The following ARHGEF4 variants were observed in gnomAD, a reference collection of about 807,000 sequenced individuals.
ARHGEF4 encodes the protein Rho guanine nucleotide exchange factor 4.
ARHGEF4 carries 119 observed loss-of-function variants against 162.0 expected under a neutral mutation model. That is an observed-to-expected ratio of 0.73 (90% CI 0.63 to 0.86). The LOEUF (loss-of-function observed/expected upper bound fraction) is 0.86. Among genes scored for constraint, ARHGEF4 ranks in the 40% least tolerant of loss-of-function variants. The pLI is 0.00. For missense variants in ARHGEF4, 2,488 were observed against 2,456.0 expected, an observed-to-expected ratio of 1.01 and a Z score of -0.28; for synonymous variants, 1,014 against 979.9, an observed-to-expected ratio of 1.03 and a Z score of -0.65.
chr2:130,875,235 T>A (rs1678749011), intron 1 of ARHGEF4, among the ~76,000 whole-genome samples: 2 of 152,174 alleles, frequency 1.3e-5, no homozygotes, highest in African/African-American at 2.4e-5. Context: ...AACTCTAGAT[T>A]AGCGCATTGC....
In ARHGEF4 at chr2:130,917,289, A is replaced by G. The variant is rs1019132094; in HGVS notation, c.3343A>G (p.Ile1115Val). The G allele has an allele frequency of 1.9e-5, 30 of 1,550,372 alleles. No individual in the cohort carries two copies. The highest frequency in any genetic ancestry group is 1.8e-4 in the Admixed American group (9 of 50,976). ...GLHYPGRGSA[I>V]SMVSLGSYSY... ...CCACTACCCCGGGAGGGGTAGCGCC[A>G]TCTCCATGGTTTCTCTTGGAAGCTA... The change falls in exon 2 of 14, where the codon ATC (isoleucine) becomes GTC (valine). Residue 1115 changes from isoleucine (I) to valine (V), a missense_variant. Physicochemically the swap from Ile to Val is conservative, Grantham distance 29 (BLOSUM62 3). Transcript: ENST00000409359.
intron 4 of ARHGEF4, among the ~76,000 whole-genome samples, chr2:130,997,372 T>G (rs1244896623): frequency 6.6e-6 from 1 of 152,126 alleles, no homozygotes; most frequent in Non-Finnish European, 1.5e-5. Flanking sequence ...TTGTTATGTA[T>G]TTTTTTTCTT....
At chr2:130,867,242 A>T (rs7570686) in intron 1 of ARHGEF4, among the ~76,000 whole-genome samples, 20,730 of 142,358 alleles carry the variant, frequency 0.15, 1,575 homozygotes, top group East Asian at 0.26. Context: ...TATTATTATT[A>T]TTTTTTTTTT....
At chr2:130,963,075 ACT>A (rs1427648894) in intron 4 of ARHGEF4, among the ~76,000 whole-genome samples, 3 of 152,020 alleles carry the variant, frequency 2.0e-5, no homozygotes, top group Admixed American at 6.5e-5. Context: ...TCGCACACAC[ACT>A]CCGAAAAAAA....
At position 130,847,296 on chromosome 2, in the gene ARHGEF4, T is replaced by C. The variant is rs1444068878; in HGVS notation, c.39+10304T>C. On this transcript the variant is annotated intron_variant, in intron 1 of 13. Transcript: ENST00000409359. The stretch of plus-strand genomic sequence containing the variant: ...GACCAGGGGCGTCTCCTGCTTCCTC[T>C]TGAATCGCTTTTCACCTGGAGTATG... Among the ~76,000 whole-genome samples the C allele has an allele frequency of 2.6e-5, 4 of 152,274 alleles. No individual in the cohort carries two copies. The East Asian group carries it at 7.7e-4, about 29-fold the overall frequency.
At chr2:130,852,438 G>T (rs1681474480) in intron 1 of ARHGEF4, among the ~76,000 whole-genome samples, 1 of 152,146 alleles carries the variant, frequency 6.6e-6, no homozygotes, top group Non-Finnish European at 1.5e-5. Context: ...TCTGCCTCCA[G>T]GACCTCCAAG....
chr2:130,969,319 C>T lies in ARHGEF4; in HGVS notation c.3985+22684C>T, dbSNP rs147073828. Among the ~76,000 whole-genome samples, 141 of 152,200 alleles carry T rather than the reference C, an allele frequency of 9.3e-4. No individual in the cohort carries two copies. In the East Asian group the frequency reaches 0.014, roughly 15 times the overall value. ...TAAAGTCAAAAAATCATATGTCAGCCGGGTGCGTTGGGTCACACCTGTAAC... is the reference window on the plus strand; with the variant it reads ...TAAAGTCAAAAAATCATATGTCAGCTGGGTGCGTTGGGTCACACCTGTAAC... On this transcript the variant is annotated intron_variant, in intron 4 of 13. Transcript: ENST00000409359.
At chr2:130,976,476 T>C (rs573601912) in intron 4 of ARHGEF4, among the ~76,000 whole-genome samples, 62 of 152,164 alleles carry the variant, frequency 4.1e-4, no homozygotes, top group Non-Finnish European at 6.5e-4. Context: ...GCTCTGAGCA[T>C]GGGAAGAGAA....
At chr2:130,958,354 T>C (rs1159047155) in intron 4 of ARHGEF4, among the ~76,000 whole-genome samples, 1 of 152,084 alleles carries the variant, frequency 6.6e-6, no homozygotes, top group Non-Finnish European at 1.5e-5. Context: ...TGAATTGTCA[T>C]TGATTTTCTT....
chr2:131,041,478 G>A lies in ARHGEF4; in HGVS notation c.4895+16G>A. ...CCCAGCACAGGTAGGAGGGCACTGA[G>A]GCAGGGAGGCAGCCCACGCCTCTGC... On this transcript the variant is annotated intron_variant, in intron 9 of 13. Coordinates refer to ENST00000409359, the MANE Select transcript of ARHGEF4 (RefSeq NM_001367493.1). 1 of 1,603,984 alleles carries A rather than the reference G, an allele frequency of 6.2e-7. No homozygotes were observed. The highest frequency in any genetic ancestry group is 8.5e-7 in the Non-Finnish European group (1 of 1,175,006).
intron 1 of ARHGEF4, among the ~76,000 whole-genome samples, chr2:130,862,680 C>A (rs1202181989): frequency 1.1e-4 from 4 of 37,102 alleles, no homozygotes; most frequent in African/African-American, 4.4e-4. Context: ...CCAGCCTGAC[C>A]AACACGGTGA....
intron 2 of ARHGEF4, among the ~76,000 whole-genome samples, chr2:130,922,407 G>A (rs1681929841): frequency 6.6e-6 from 1 of 151,966 alleles, no homozygotes; most frequent in Non-Finnish European, 1.5e-5. Context: ...CACAGAAGTC[G>A]AGGACTGCAG....
intron 4 of ARHGEF4, among the ~76,000 whole-genome samples, chr2:130,966,754 C>T (rs368093594): frequency 1.6e-4 from 24 of 152,172 alleles, no homozygotes; most frequent in Admixed American, 1.6e-3. Context: ...ATGGCTTTTT[C>T]CTGGATGCCA....
At chr2:131,045,930 C>A (rs1238492388) in intron 13 of ARHGEF4, 108 bp from the exon 14 acceptor site, 2 of 1,502,948 alleles carry the variant, frequency 1.3e-6, no homozygotes, top group Admixed American at 2.2e-5. Flanking sequence ...CTGCCTCCTA[C>A]GGCGGCTCTG....
At chr2:130,927,163 G>A (rs1682346875) in intron 2 of ARHGEF4, among the ~76,000 whole-genome samples, 1 of 152,130 alleles carries the variant, frequency 6.6e-6, no homozygotes. Flanking sequence ...GGCAGTGGGT[G>A]CTTGTCCAAG....
chr2:131,031,147 C>T (rs1442632827), intron 5 of ARHGEF4, among the ~76,000 whole-genome samples: 3 of 152,152 alleles, frequency 2.0e-5, no homozygotes, highest in Non-Finnish European at 4.4e-5. Context: ...AGTTCCTTGA[C>T]AAGTTGTTCA....
At chr2:130,894,020 C>T (rs970810274) in intron 1 of ARHGEF4, among the ~76,000 whole-genome samples, 6 of 152,204 alleles carry the variant, frequency 3.9e-5, no homozygotes, top group African/African-American at 9.6e-5. Context: ...ATGGGCCAGC[C>T]GTCGCCCTGA....
At position 130,939,880 on chromosome 2, in the gene ARHGEF4, A is replaced by G. The variant is rs1395952612; in HGVS notation, c.3859-6629A>G. 2.0e-5 allele frequency among the ~76,000 whole-genome samples: 3 copies of G among 152,202 alleles called. No individual in the cohort carries two copies. The East Asian group carries it at 5.8e-4, about 29-fold the overall frequency. On this transcript the variant is annotated intron_variant, in intron 3 of 13. Coordinates refer to ENST00000409359, the MANE Select transcript of ARHGEF4 (RefSeq NM_001367493.1). ...TATTGTGTTTTAAATTTCATTTTCC[A>G]CAAGTTGATTTTTAGTATATGGAAA... is the stretch of plus-strand genomic sequence containing the variant.
chr2:130,838,469 G>A (rs1325966754), intron 1 of ARHGEF4, among the ~76,000 whole-genome samples: 1 of 152,162 alleles, frequency 6.6e-6, no homozygotes, highest in African/African-American at 2.4e-5. Context: ...AGCCGGGCGC[G>A]GTAGTGGGCG....
Sources: allele counts gnomAD v4.1 joint callset (sites outside exome capture counted in the v4.1 genomes callset), GRCh38; gene constraint gnomAD v4.1.1; transcripts MANE v1.5; gene names NCBI Gene and HGNC (gene_info 2026-07-23, HGNC 2026-07-21).